EYS: variants seen among roughly 807,000 people sequenced by gnomAD.
The protein encoded by EYS is protein eyes shut homolog.
EYS carries 250 observed loss-of-function variants against 282.1 expected under a neutral mutation model. The ratio of observed to expected loss-of-function variants is 0.89; its 90% confidence interval spans 0.80 to 0.98. The LOEUF (loss-of-function observed/expected upper bound fraction) is 0.98. EYS is among the 50% of genes least tolerant of loss of function. EYS has a pLI of 0.00. For synonymous variants in EYS, 1,355 were observed against 1,282.9 expected (o/e 1.06, Z -1.20); for missense variants, 4,016 against 3,709.0 (o/e 1.08, Z -2.15).
intron 22 of EYS, among the ~76,000 whole-genome samples, chr6:64,728,637 G>A (rs1771848527): frequency 6.6e-6 from 1 of 152,126 alleles, no homozygotes; most frequent in Admixed American, 6.6e-5. Flanking sequence ...GACCAGCCAT[G>A]TTACAGTGTT....
In EYS at chr6:65,213,267, C is replaced by T. The variant is rs546641540; in HGVS notation, c.2023+82596G>A. Among the ~76,000 whole-genome samples the T allele has an allele frequency of 2.6e-5, 4 of 152,308 alleles. No homozygotes were observed. In the South Asian group the frequency reaches 8.3e-4, roughly 32 times the overall value. ...CGTGTGCGCACCTGCGGCAACTCTGCTGGAGGCTTTTAGCTGAATCCCAGC... is the reference window on the plus strand; with the variant it reads ...CGTGTGCGCACCTGCGGCAACTCTGTTGGAGGCTTTTAGCTGAATCCCAGC... On this transcript the variant is annotated intron_variant, in intron 12 of 42. Transcript: ENST00000503581.
Position 64,995,715 on chromosome 6 carries a change from T to TCCC in EYS, c.2259+1864_2259+1866dup, listed in dbSNP as rs5876932. Among the ~76,000 whole-genome samples, 281 of 147,200 alleles carry TCCC rather than the reference T, an allele frequency of 1.9e-3. 2 individuals are homozygous for TCCC. Among genetic ancestry groups the TCCC allele is most frequent in the African/African-American group, 3.7e-3 (150 of 40,634 alleles). On this transcript the variant is annotated intron_variant, in intron 14 of 42. Transcript: ENST00000503581. Reference sequence around the variant, plus strand: ...TTCTTCAACTTTGCTTCTTTCTGCTTCCCCCCCGCCCCATATTCTTATTAT... The same window carrying TCCC: ...TTCTTCAACTTTGCTTCTTTCTGCTTCCCCCCCCCCGCCCCATATTCTTATTAT...
intron 11 of EYS, among the ~76,000 whole-genome samples, chr6:65,327,544 C>G (rs1185413023): frequency 1.3e-5 from 2 of 151,544 alleles, no homozygotes; most frequent in Non-Finnish European, 3.0e-5. Flanking sequence ...AATGGATACA[C>G]TAAAATCAAT....
rs377515039 is a variant in EYS, at chr6:63,888,853, A to G, written c.7056-24495T>C. Among the ~76,000 whole-genome samples the G allele has an allele frequency of 3.9e-5, 6 of 152,230 alleles. 1 individual carries two copies. In the East Asian group the frequency reaches 5.8e-4, roughly 15 times the overall value. On this transcript the variant is annotated intron_variant, in intron 35 of 42. Coordinates refer to ENST00000503581, the MANE Select transcript of EYS (RefSeq NM_001142800.2). Reference sequence around the variant, plus strand: ...ATAACAAACTCCTCTGAGCTAAAGGAGCATGTTCTAATCCAATGAAAGAAA... The same window carrying G: ...ATAACAAACTCCTCTGAGCTAAAGGGGCATGTTCTAATCCAATGAAAGAAA...
Position 64,702,488 on chromosome 6 carries a change from T to A in EYS, c.3444-76243A>T, listed in dbSNP as rs534402392. On this transcript the variant is annotated intron_variant, in intron 22 of 42. Coordinates refer to ENST00000503581, the MANE Select transcript of EYS (RefSeq NM_001142800.2). ...TATGTTACATAAATTGACAAATTTA[T>A]GTACTTTATGTAATCAATTCAGAAC... Among the ~76,000 whole-genome samples the A allele has an allele frequency of 2.0e-5, 3 of 152,224 alleles. No individual in the cohort carries two copies. In the South Asian group the frequency reaches 6.2e-4, roughly 32 times the overall value.
intron 23 of EYS, among the ~76,000 whole-genome samples, chr6:64,619,163 T>C (rs1213984019): frequency 1.3e-5 from 2 of 152,188 alleles, no homozygotes; most frequent in Non-Finnish European, 2.9e-5. Context: ...ACATGGTAGT[T>C]ATACACATTT....
chr6:64,472,056 C>T (rs961845815), intron 26 of EYS, among the ~76,000 whole-genome samples: 1 of 152,126 alleles, frequency 6.6e-6, no homozygotes, highest in South Asian at 2.1e-4. Context: ...ATTACGATAT[C>T]AGAGATTTCC....
intron 13 of EYS, among the ~76,000 whole-genome samples, chr6:65,042,327 G>A (rs1772962764): frequency 2.0e-5 from 3 of 151,288 alleles, no homozygotes; most frequent in Admixed American, 1.3e-4. Context: ...TACCTCGGTT[G>A]GATTTTTGTC....
At chr6:65,115,957 T>TAATCTATC (rs1176857796) in intron 12 of EYS, among the ~76,000 whole-genome samples, 2 of 126,080 alleles carry the variant, frequency 1.6e-5, no homozygotes, top group African/African-American at 7.1e-5. Context: ...TCTGTCTGTC[T>TAATCTATC]GTCTATCTAA....
chr6:64,482,133 TACTC>T (rs1776454211), intron 26 of EYS, among the ~76,000 whole-genome samples: 1 of 151,714 alleles, frequency 6.6e-6, no homozygotes, highest in Non-Finnish European at 1.5e-5. Flanking sequence ...TTTTAGCTCT[TACTC>T]AATGAAACAA....
chr6:65,683,412 CCTATTGCAATAGTCTTAACTA>C (rs1175486426), intron 1 of EYS, among the ~76,000 whole-genome samples: 1 of 151,208 alleles, frequency 6.6e-6, no homozygotes, highest in Non-Finnish European at 1.5e-5. Context: ...CAATCTTTCC[CCTATTGCAATAGTCTTAACTA>C]CTATTGCAAT....
chr6:64,588,671 C>T (rs2149829769), intron 26 of EYS, among the ~76,000 whole-genome samples: 1 of 152,098 alleles, frequency 6.6e-6, no homozygotes, highest in African/African-American at 2.4e-5. Context: ...CTTAGTTTTC[C>T]TTAAACTCTA....
rs555030145 is a variant in EYS at position 64,259,037 on chromosome 6, C to T, written c.6192-28213G>A. Reference sequence around the variant, plus strand: ...TGAGAACAGAGGCCCCATGTTTGTTCTAGCTACATGAAGTTATCTGAGGCT... The same window carrying T: ...TGAGAACAGAGGCCCCATGTTTGTTTTAGCTACATGAAGTTATCTGAGGCT... On this transcript the variant is annotated intron_variant, in intron 30 of 42. Transcript: ENST00000503581. Among the ~76,000 whole-genome samples the T allele has an allele frequency of 2.0e-5, 3 of 152,178 alleles. No individual in the cohort carries two copies. The South Asian group carries it at 6.2e-4, about 32-fold the overall frequency.
intron 12 of EYS, among the ~76,000 whole-genome samples, chr6:65,217,660 A>G (rs1272849686): frequency 6.6e-6 from 1 of 152,048 alleles, no homozygotes. Context: ...CAGGAATGCA[A>G]TGAAAAGAGC....
chr6:65,080,127 C>T (rs1445791770), intron 12 of EYS, among the ~76,000 whole-genome samples: 1 of 152,030 alleles, frequency 6.6e-6, no homozygotes, highest in Non-Finnish European at 1.5e-5. Context: ...CTACAAGATC[C>T]ATGTTCCCTC....
At chr6:64,845,421 CA>C (rs1334109985) in intron 19 of EYS, among the ~76,000 whole-genome samples, 4 of 152,100 alleles carry the variant, frequency 2.6e-5, no homozygotes, top group Non-Finnish European at 5.9e-5. Flanking sequence ...AATCTTTATT[CA>C]TCTTCCATGG....
chr6:65,163,542 G>A (rs553944583), intron 12 of EYS, among the ~76,000 whole-genome samples: 7 of 151,290 alleles, frequency 4.6e-5, no homozygotes, highest in South Asian at 2.1e-4. Context: ...GTGAGGGGAC[G>A]AGCGGGTGGG....
chr6:64,093,501 A>G (rs1285891287), intron 31 of EYS, among the ~76,000 whole-genome samples: 1 of 152,040 alleles, frequency 6.6e-6, no homozygotes, highest in African/African-American at 2.4e-5. Flanking sequence ...TAGGTATTTT[A>G]GTCTCTTTGA....
intron 24 of EYS, among the ~76,000 whole-genome samples, chr6:64,599,873 G>C (rs1217980772): frequency 6.6e-6 from 1 of 152,148 alleles, no homozygotes; most frequent in East Asian, 1.9e-4. Flanking sequence ...AGGTAATAAA[G>C]CTAAAACAAT....
Sources: gnomAD v4.1 joint callset for allele counts (sites outside exome capture counted in the v4.1 genomes callset) on GRCh38, gnomAD v4.1.1 for gene constraint, MANE v1.5 for transcripts, NCBI Gene and HGNC (gene_info 2026-07-23, HGNC 2026-07-21) for gene names.